Variants in DTNA observed in about 807,000 individuals in gnomAD.
DTNA encodes dystrobrevin alpha.
DTNA carries 43 observed loss-of-function variants against 100.7 expected under a neutral mutation model. The observed-to-expected ratio is 0.43, with a 90% CI of 0.33 to 0.55. DTNA has a LOEUF of 0.55. DTNA is among the 20% of genes least tolerant of loss of function. The pLI is 0.04. For missense variants in DTNA, 798 were observed against 953.9 expected (o/e 0.84, Z 2.15); for synonymous variants, 349 against 347.9 (o/e 1.00, Z -0.04).
chr18:34,886,197 A>C (rs1379433332), intron 22 of DTNA, among the ~76,000 whole-genome samples: 2 of 152,242 alleles, frequency 1.3e-5, no homozygotes, highest in African/African-American at 4.8e-5. Context: ...TGCAAATGCT[A>C]CTGACATCCT....
chr18:34,753,383 A>ATTTTT (rs1568413203), intron 1 of DTNA, among the ~76,000 whole-genome samples: 4 of 12,636 alleles, frequency 3.2e-4, no homozygotes, highest in African/African-American at 9.9e-4. Context: ...TTTTTTTTTT[A>ATTTTT]TTTTTTATTT....
At chr18:34,585,114 C>T (rs765067850) in intron 1 of DTNA, among the ~76,000 whole-genome samples, 2 of 152,028 alleles carry the variant, frequency 1.3e-5, no homozygotes, top group Admixed American at 6.6e-5. Context: ...TGCATGCTCG[C>T]CCACCCACCC....
rs1601589282 is a variant in DTNA at position 34,535,215 on chromosome 18, GT to G, written c.-2+41705del. Among the ~76,000 whole-genome samples the G allele has an allele frequency of 1.3e-5, 2 of 152,052 alleles. 1 individual carries two copies. The highest frequency in any genetic ancestry group is 3.9e-4 in the East Asian group (2 of 5,178). On this transcript the variant is annotated intron_variant, in intron 1 of 19. Coordinates refer to the DTNA transcript ENST00000283365. Reference sequence around the variant, plus strand: ...TGGTGTGAGATGGTATCTCATTGTGGTTTTCATTTGCATTTCTCTAATGACC... The same window carrying G: ...TGGTGTGAGATGGTATCTCATTGTGGTTTCATTTGCATTTCTCTAATGACC...
At chr18:34,730,049 A>G (rs994732254) in intron 1 of DTNA, among the ~76,000 whole-genome samples, 2 of 152,192 alleles carry the variant, frequency 1.3e-5, no homozygotes, top group Non-Finnish European at 2.9e-5. Flanking sequence ...AAATAAATGT[A>G]GGCATTTGCT....
intron 17 of DTNA, chr18:34,868,148 A>T: frequency 2.3e-6 from 1 of 431,188 alleles, no homozygotes; most frequent in Non-Finnish European, 3.1e-6. Context: ...TGTTCTGGCA[A>T]TGAAGCAAAA....
intron 1 of DTNA, among the ~76,000 whole-genome samples, chr18:34,519,092 G>A (rs1033146509): frequency 2.6e-5 from 4 of 152,082 alleles, no homozygotes; most frequent in Non-Finnish European, 5.9e-5. Context: ...GGATGGTGAT[G>A]TTATCCAAAA....
intron 1 of DTNA, among the ~76,000 whole-genome samples, chr18:34,535,946 C>A (rs1305775372): frequency 6.6e-6 from 1 of 151,968 alleles, no homozygotes; most frequent in Non-Finnish European, 1.5e-5. Context: ...TTTTATTCTT[C>A]TAATAATTTC....
In DTNA at chr18:34,890,216, G is replaced by A. The variant is rs192501097; in HGVS notation, c.*2482G>A. 7.4e-5 allele frequency: 108 copies of A among 1,464,314 alleles called. No homozygotes were observed. Among genetic ancestry groups the A allele is most frequent in the East Asian group, 1.7e-4 (7 of 40,324 alleles). The allele number at this position is 1,464,314 out of a possible 1,614,324, so 90.7% of individuals were successfully genotyped here. A position where few individuals can be genotyped will look rare whatever the true frequency, so the allele number is the denominator to read the frequency against. On this transcript the variant is annotated 3_prime_UTR_variant, in exon 23 of 23. Coordinates refer to ENST00000444659, the MANE Select transcript of DTNA (RefSeq NM_001386795.1). ...ACTCCATCACATGGTTGTTGATATC[G>A]TCATATAAAGCCATTGCAAGGACTC...
At chr18:34,603,023 A>G (rs542518361) in intron 1 of DTNA, among the ~76,000 whole-genome samples, 57 of 151,686 alleles carry the variant, frequency 3.8e-4, no homozygotes, top group African/African-American at 1.3e-3. Context: ...TACAAAATAA[A>G]AAATAAATTT....
Position 34,816,116 on chromosome 18 carries a change from T to C in DTNA, c.709+102T>C, listed in dbSNP as rs952063692. 30 of 1,181,608 alleles carry C rather than the reference T, an allele frequency of 2.5e-5. No individual in the cohort carries two copies. The African/African-American group carries it at 4.4e-4, about 17-fold the overall frequency. 73.2% of individuals were successfully genotyped at this position (1,181,608 alleles called of 1,614,324 possible). ...CAGGCTGTTGTTTTAGGGAAGCCTA[T>C]TTAGTGGCTCTTAGTTTTGTTTAGG... On this transcript the variant is annotated intron_variant, in intron 7 of 22. Transcript: ENST00000444659.
At chr18:34,552,481 A>C (rs2045539978) in intron 1 of DTNA, among the ~76,000 whole-genome samples, 1 of 147,400 alleles carries the variant, frequency 6.8e-6, no homozygotes, top group Non-Finnish European at 1.5e-5. Context: ...GCACCCACTA[A>C]CTCGTCATCT....
At position 34,513,680 on chromosome 18, in the gene DTNA, T is replaced by C. The variant is rs74493718; in HGVS notation, c.-2+20166T>C. 4.5e-3 allele frequency: 683 copies of C among 152,108 alleles called. 3 individuals carry two copies. The highest frequency in any genetic ancestry group is 6.8e-3 in the Middle Eastern group (2 of 294). The allele number at this position is 152,108 out of a possible 1,614,324, so 9.4% of individuals were successfully genotyped here. On this transcript the variant is annotated intron_variant, in intron 1 of 19. Transcript: ENST00000283365. ...GTCCTCAGGGAGCTTACATTCTACT[T>C]GGGAGGTGCAATTAAGAAACAATGA...
chr18:34,622,487 C>G (rs925264655), intron 1 of DTNA, among the ~76,000 whole-genome samples: 2 of 152,148 alleles, frequency 1.3e-5, no homozygotes, highest in Admixed American at 6.5e-5. Flanking sequence ...TACATGGAAA[C>G]TTGATAAAGC....
intron 14 of DTNA, among the ~76,000 whole-genome samples, chr18:34,849,954 T>C (rs2096452255): frequency 6.6e-6 from 1 of 152,258 alleles, no homozygotes; most frequent in South Asian, 2.1e-4. Context: ...ATTATTTATA[T>C]GTGTACTAAA....
At chr18:34,830,683 CTA>C (rs1287493573) in intron 11 of DTNA, among the ~76,000 whole-genome samples, 4 of 152,220 alleles carry the variant, frequency 2.6e-5, no homozygotes, top group South Asian at 2.1e-4. Context: ...GTGTGTATGT[CTA>C]TGTGTGTGTG....
chr18:34,607,941 A>G (rs2053469139), intron 1 of DTNA, among the ~76,000 whole-genome samples: 1 of 152,222 alleles, frequency 6.6e-6, no homozygotes. Context: ...TAATAGATAC[A>G]GTAGTGAAAT....
At chr18:34,803,179 T>A (rs2095269720) in intron 4 of DTNA, among the ~76,000 whole-genome samples, 1 of 152,172 alleles carries the variant, frequency 6.6e-6, no homozygotes. Flanking sequence ...CAGAGTCACA[T>A]TTGCAATCTG....
chr18:34,872,171 G>A (rs564870917), intron 17 of DTNA, among the ~76,000 whole-genome samples: 2 of 152,320 alleles, frequency 1.3e-5, no homozygotes, highest in Admixed American at 6.5e-5. Flanking sequence ...TTGCCTTTGA[G>A]ACCAGGAACT....
chr18:34,762,740 A>G (rs1276135596), intron 2 of DTNA, among the ~76,000 whole-genome samples: 1 of 152,158 alleles, frequency 6.6e-6, no homozygotes, highest in Non-Finnish European at 1.5e-5. Context: ...ACTAAATTGT[A>G]TTGTTCACCA....
Sources: allele counts gnomAD v4.1 joint callset (sites outside exome capture counted in the v4.1 genomes callset), GRCh38; gene constraint gnomAD v4.1.1; transcripts MANE v1.5; gene names NCBI Gene and HGNC (gene_info 2026-07-23, HGNC 2026-07-21).